ZFYVE9: variants seen among roughly 807,000 people sequenced by gnomAD.
ZFYVE9 encodes the protein zinc finger FYVE-type containing 9, also known as zinc finger FYVE domain-containing protein 9.
ZFYVE9 carries 43 observed loss-of-function variants against 126.7 expected under a neutral mutation model. The observed-to-expected ratio is 0.34, with a 90% confidence interval of 0.27 to 0.44. The LOEUF is 0.44. Ranked by LOEUF, ZFYVE9 falls within the 20% of genes least tolerant of loss-of-function variation. The probability of loss-of-function intolerance (pLI) is 1.00; values close to 1 mark genes in which losing one functional copy is unlikely to be tolerated. For missense variants in ZFYVE9, 1,476 were observed against 1,697.0 expected (o/e 0.87, Z 2.29); for synonymous variants, 521 against 597.4 (o/e 0.87, Z 1.87).
Position 52,310,118 on chromosome 1 carries a change from C to T in ZFYVE9, c.3438+6193C>T, listed in dbSNP as rs563708462. Among the ~76,000 whole-genome samples, 11 of 151,922 alleles carry T rather than the reference C, an allele frequency of 7.2e-5. No individual in the cohort carries two copies. In the South Asian group the frequency reaches 2.3e-3, roughly 32 times the overall value. ...TCCTGAGTAGCTGGGACTACAGGCACACACCATCATGTCCGGCCAAATTTT... is the reference window on the plus strand; with the variant it reads ...TCCTGAGTAGCTGGGACTACAGGCATACACCATCATGTCCGGCCAAATTTT... On this transcript the variant is annotated intron_variant, in intron 13 of 18. Coordinates refer to ENST00000287727, the MANE Select transcript of ZFYVE9 (RefSeq NM_004799.4).
intron 1 of ZFYVE9, among the ~76,000 whole-genome samples, chr1:52,165,616 T>A (rs1247104899): frequency 6.6e-6 from 1 of 152,198 alleles, no homozygotes; most frequent in Admixed American, 6.5e-5. Context: ...ATCTGAACTT[T>A]TCTATATGCT....
At position 52,266,908 on chromosome 1, in the gene ZFYVE9, A is replaced by G. The variant is rs1645639412; in HGVS notation, c.2455+77A>G. 2.0e-5 allele frequency: 27 copies of G among 1,374,102 alleles called. No homozygotes were observed. In the South Asian group the frequency reaches 4.4e-4, roughly 22 times the overall value. The allele number at this position is 1,374,102 out of a possible 1,614,324, so 85.1% of individuals were successfully genotyped here. On this transcript the variant is annotated intron_variant, in intron 6 of 18. Coordinates refer to ENST00000287727, the MANE Select transcript of ZFYVE9 (RefSeq NM_004799.4). ...AAAGGTGCTGATATGACTTTACAGC[A>G]CAAGTCTTAAAAAACACTGCAGATA...
intron 1 of ZFYVE9, among the ~76,000 whole-genome samples, chr1:52,155,892 G>A (rs982516526): frequency 6.6e-6 from 1 of 152,164 alleles, no homozygotes; most frequent in South Asian, 2.1e-4. Context: ...GCATGATTGC[G>A]ACCACTGGAC....
intron 1 of ZFYVE9, among the ~76,000 whole-genome samples, chr1:52,182,867 T>G (rs1254526235): frequency 1.3e-5 from 2 of 152,096 alleles, no homozygotes; most frequent in African/African-American, 4.8e-5. Context: ...ATTTTCCTCA[T>G]TTATATTTTA....
chr1:52,285,447 GCTGCT>G (rs1366940268), intron 10 of ZFYVE9, among the ~76,000 whole-genome samples: 1 of 152,168 alleles, frequency 6.6e-6, no homozygotes, highest in Non-Finnish European at 1.5e-5. Context: ...TGTATTTACA[GCTGCT>G]CCCCATTGCT....
Position 52,254,168 on chromosome 1 carries a change from T to G in ZFYVE9, c.2179-9605T>G. Reference sequence around the variant, plus strand: ...TACAACTATAGATTTCATGATGTATTGTTCAATAAGGTGACTTTAAAATGA... The same window carrying G: ...TACAACTATAGATTTCATGATGTATGGTTCAATAAGGTGACTTTAAAATGA... On this transcript the variant is annotated intron_variant, in intron 4 of 18. Coordinates refer to ENST00000287727, the MANE Select transcript of ZFYVE9 (RefSeq NM_004799.4). 4 of 656,172 alleles carry G rather than the reference T, an allele frequency of 6.1e-6. No homozygotes were observed. In the South Asian group the frequency reaches 7.6e-5, roughly 12 times the overall value. 40.6% of individuals were successfully genotyped at this position (656,172 alleles called of 1,614,324 possible).
In ZFYVE9 at chr1:52,344,890, G is replaced by A. The variant is rs781618444; in HGVS notation, c.4062G>A (p.Leu1354=). The change falls in exon 18 of 19, where the codon CTG becomes CTA. Residue 1354 remains leucine, a synonymous_variant. Transcript: ENST00000287727. ...CTCTCTGTCCTCACCTGAAACTTCT[G>A]AAGGAAGATGGAATGACCAAACTGG... is the stretch of plus-strand genomic sequence containing the variant. ...CLALCPHLKL[L]KEDGMTKLGL... 1 of 1,614,030 alleles carries A rather than the reference G, an allele frequency of 6.2e-7. No homozygotes were observed. The highest frequency in any genetic ancestry group is 1.3e-5 in the African/African-American group (1 of 74,906).
Position 52,144,165 on chromosome 1 carries a change from C to A in ZFYVE9, c.-143+1762C>A, listed in dbSNP as rs922482827. Among the ~76,000 whole-genome samples, 4 of 152,164 alleles carry A rather than the reference C, an allele frequency of 2.6e-5. No individual in the cohort carries two copies. In the East Asian group the frequency reaches 5.8e-4, roughly 22 times the overall value. ...TGAAACCCCGTCTCTACTAAAAATA[C>A]AAAAATTAGCTGGCATGGTGGTGCC... On this transcript the variant is annotated intron_variant, in intron 1 of 18. Coordinates refer to ENST00000287727, the MANE Select transcript of ZFYVE9 (RefSeq NM_004799.4).
intron 1 of ZFYVE9, among the ~76,000 whole-genome samples, chr1:52,157,394 C>CTT (rs71579908): frequency 0.41 from 23,935 of 58,010 alleles, 7,657 homozygotes; most frequent in Middle Eastern, 0.53. Flanking sequence ...ACCATATTCT[C>CTT]TTTTTTTTTT....
chr1:52,333,856 C>T (rs1276990129), intron 14 of ZFYVE9, among the ~76,000 whole-genome samples: 1 of 151,156 alleles, frequency 6.6e-6, no homozygotes, highest in African/African-American at 2.4e-5. Context: ...TTTGGGAGGC[C>T]GAGGTGGGTG....
chr1:52,199,066 C>T (rs1288794241), intron 1 of ZFYVE9, among the ~76,000 whole-genome samples: 3 of 151,626 alleles, frequency 2.0e-5, no homozygotes, highest in Non-Finnish European at 4.4e-5. Flanking sequence ...TTGACAATCA[C>T]GGATCTTTTT....
At chr1:52,276,309 A>G (rs895248085) in intron 8 of ZFYVE9, among the ~76,000 whole-genome samples, 5 of 151,968 alleles carry the variant, frequency 3.3e-5, no homozygotes, top group African/African-American at 1.2e-4. Context: ...ACTGCAGATT[A>G]TTTGCTATTT....
At chr1:52,182,802 T>C (rs1355287872) in intron 1 of ZFYVE9, among the ~76,000 whole-genome samples, 1 of 151,936 alleles carries the variant, frequency 6.6e-6, no homozygotes. Flanking sequence ...TTTTTTAAAT[T>C]ATAGTATTTC....
At chr1:52,178,125 A>G (rs1381473840) in intron 1 of ZFYVE9, among the ~76,000 whole-genome samples, 1 of 151,476 alleles carries the variant, frequency 6.6e-6, no homozygotes. Context: ...TAAAAATACA[A>G]AAAATTAGCT....
chr1:52,294,943 C>G (rs1288778182), intron 11 of ZFYVE9, among the ~76,000 whole-genome samples: 1 of 152,194 alleles, frequency 6.6e-6, no homozygotes, highest in Non-Finnish European at 1.5e-5. Flanking sequence ...TGGCTCATGC[C>G]TCTAATTCCA....
chr1:52,159,994 C>CT (rs371581571), intron 1 of ZFYVE9, among the ~76,000 whole-genome samples: 6,952 of 145,020 alleles, frequency 0.048, 405 homozygotes, highest in African/African-American at 0.15. Flanking sequence ...GTCGGGGTTT[C>CT]TTTTTTTTTT....
At chr1:52,255,539 C>T (rs956694095) in intron 4 of ZFYVE9, among the ~76,000 whole-genome samples, 79 of 148,712 alleles carry the variant, frequency 5.3e-4, no homozygotes, top group African/African-American at 1.7e-3. Flanking sequence ...GAGCCGAGAT[C>T]GCACCATTGC....
In ZFYVE9 at chr1:52,238,142, C is replaced by G. The variant is rs1232016748; in HGVS notation, c.725C>G (p.Ser242Cys). Residue 242 changes from serine to cysteine, a missense_variant, in exon 4 of 19, where the codon TCC (serine) becomes TGC (cysteine). Ser to Cys is a moderately radical substitution (Grantham distance 112). This residue lies in a region of ZFYVE9 where 807 missense variants were observed against 794.6 expected (regional missense o/e 1.02). Coordinates refer to ENST00000287727, the MANE Select transcript of ZFYVE9 (RefSeq NM_004799.4). ...TCTGATAGTCTAGCCAGTGTCTGTT[C>G]CCCTTCACAATTAAAGGATGACGGA... ...TSSDSLASVC[S>C]PSQLKDDGSI... 1 of 1,613,960 alleles carries G rather than the reference C, an allele frequency of 6.2e-7. No individual in the cohort carries two copies. The highest frequency in any genetic ancestry group is 1.3e-5 in the African/African-American group (1 of 74,914).
At chr1:52,280,126 C>G (rs1307096944) in intron 9 of ZFYVE9, among the ~76,000 whole-genome samples, 1 of 150,690 alleles carries the variant, frequency 6.6e-6, no homozygotes, top group Non-Finnish European at 1.5e-5. Flanking sequence ...CCTGTAGTCC[C>G]AGTGCTTTGG....
Sources: allele counts gnomAD v4.1 joint callset (sites outside exome capture counted in the v4.1 genomes callset), GRCh38; gene constraint gnomAD v4.1.1; regional missense constraint gnomAD v4.1.1; transcripts MANE v1.5; gene names NCBI Gene and HGNC (gene_info 2026-07-23, HGNC 2026-07-21).